The following JMJD1C variants were observed in gnomAD, a reference collection of about 807,000 sequenced individuals.
JMJD1C encodes the protein jumonji domain containing 1C.
Under a neutral mutation model 245.3 loss-of-function variants are expected in JMJD1C, and 31 were observed. That is an observed-to-expected ratio of 0.13 (90% CI 0.09 to 0.17). The LOEUF (loss-of-function observed/expected upper bound fraction) is 0.17, where lower values mean the gene tolerates loss of function less well. Among genes scored for constraint, JMJD1C ranks in the 10% least tolerant of loss-of-function variants. The pLI is 1.00. For synonymous variants in JMJD1C, 1,057 were observed against 1,017.4 expected, an observed-to-expected ratio of 1.04 and a Z score of -0.74; for missense variants, 2,691 against 3,000.2, an observed-to-expected ratio of 0.90 and a Z score of 2.41.
Position 63,214,514 on chromosome 10 carries a change from T to C in JMJD1C, c.1653A>G (p.Ala551=), listed in dbSNP as rs1847741275. The C allele has an allele frequency of 1.2e-6, 2 of 1,613,900 alleles. No individual in the cohort carries two copies. Among genetic ancestry groups the C allele is most frequent in the Non-Finnish European group, 1.7e-6 (2 of 1,180,000 alleles). The part of the protein sequence containing the change: ...VSDSKHSIAN[A]KFLETAKKDS... Reference sequence around the variant, plus strand: ...CTTTTTTTGCTGTTTCCAAGAATTTTGCATTTGCAATAGAGTGTTTTGAAT... The same window carrying C: ...CTTTTTTTGCTGTTTCCAAGAATTTCGCATTTGCAATAGAGTGTTTTGAAT... Residue 551 remains alanine (A), a synonymous_variant, in exon 8 of 26, where the codon GCA becomes GCG. Transcript: ENST00000399262.
intron 2 of JMJD1C, among the ~76,000 whole-genome samples, chr10:63,290,120 C>T (rs1858466614): frequency 6.6e-6 from 1 of 151,766 alleles, no homozygotes; most frequent in Admixed American, 6.6e-5. Flanking sequence ...CAAAATAACC[C>T]AAACTTTTAT....
intron 1 of JMJD1C, among the ~76,000 whole-genome samples, chr10:63,401,065 G>A (rs1250215997): frequency 1.3e-5 from 2 of 152,090 alleles, no homozygotes; most frequent in Non-Finnish European, 2.9e-5. Flanking sequence ...CGCCATGTTG[G>A]CCAGGCTGGT....
chr10:63,208,691 T>C lies in JMJD1C; in HGVS notation c.2978A>G (p.His993Arg). Residue 993 changes from histidine to arginine, a missense_variant, in exon 10 of 26, where the codon CAT becomes CGT. This residue lies in a region of JMJD1C where 1,562 missense variants were observed against 1,490.7 expected (regional missense o/e 1.05). Transcript: ENST00000399262. ...TAATACTGGATCCACAAAATGCCTA[T>C]GTAAGTGACAATCTTTTCCAGTCTG... is the stretch of plus-strand genomic sequence containing the variant. ...RSQTGKDCHL[H>R]RHFVDPVLNQ... The C allele has an allele frequency of 1.2e-6, 2 of 1,614,136 alleles. No individual in the cohort carries two copies. Among genetic ancestry groups the C allele is most frequent in the Non-Finnish European group, 1.7e-6 (2 of 1,179,972 alleles).
intron 2 of JMJD1C, among the ~76,000 whole-genome samples, chr10:63,351,823 G>A (rs1020438613): frequency 1.3e-5 from 2 of 152,214 alleles, no homozygotes; most frequent in Non-Finnish European, 2.9e-5. Flanking sequence ...CTTGAATGCC[G>A]TAACCACAAA....
At chr10:63,261,444 G>A (rs946693377) in intron 3 of JMJD1C, among the ~76,000 whole-genome samples, 2 of 152,094 alleles carry the variant, frequency 1.3e-5, no homozygotes, top group African/African-American at 4.8e-5. Flanking sequence ...AGCTGGGAGT[G>A]GTGGTGCACA....
chr10:63,338,991 T>C (rs370391703), intron 2 of JMJD1C, among the ~76,000 whole-genome samples: 81 of 152,312 alleles, frequency 5.3e-4, no homozygotes, highest in African/African-American at 1.9e-3. Context: ...TGAAAGATTA[T>C]TGTTTCACTT....
chr10:63,306,861 T>G (rs936417813), intron 2 of JMJD1C, among the ~76,000 whole-genome samples: 8 of 152,198 alleles, frequency 5.3e-5, no homozygotes, highest in African/African-American at 1.9e-4. Context: ...CAAAAATATT[T>G]ATAACATGTT....
intron 1 of JMJD1C, among the ~76,000 whole-genome samples, chr10:63,503,468 T>C (rs960932357): frequency 6.6e-6 from 1 of 152,094 alleles, no homozygotes; most frequent in African/African-American, 2.4e-5. Flanking sequence ...TGGGAGACAA[T>C]GGACTAAAAG....
chr10:63,321,804 T>A (rs1336683937), intron 2 of JMJD1C, among the ~76,000 whole-genome samples: 1 of 152,166 alleles, frequency 6.6e-6, no homozygotes, highest in Non-Finnish European at 1.5e-5. Context: ...CAATAGTTCC[T>A]TTCCTATTTT....
chr10:63,490,116 G>A (rs1378187482), intron 1 of JMJD1C, among the ~76,000 whole-genome samples: 1 of 152,162 alleles, frequency 6.6e-6, no homozygotes, highest in East Asian at 1.9e-4. Context: ...TGGAAACATT[G>A]TCTTCCATGA....
chr10:63,315,397 T>C (rs1939854512), intron 2 of JMJD1C, among the ~76,000 whole-genome samples: 1 of 152,190 alleles, frequency 6.6e-6, no homozygotes, highest in East Asian at 1.9e-4. Flanking sequence ...TGTTAATTTG[T>C]TTAGGGTAAC....
At position 63,465,544 on chromosome 10, in the gene JMJD1C, C is replaced by T; in HGVS notation, c.119G>A (p.Gly40Glu). The change falls in exon 1 of 26, where the codon GGG becomes GAG. Residue 40 changes from glycine (G) to glutamate (E), a missense_variant. Gly to Glu is a moderately conservative substitution (Grantham distance 98). Around this residue, in one of 9 missense-constraint regions of JMJD1C, gnomAD observed 135 missense variants for 115.5 expected, o/e 1.17. Transcript: ENST00000399262. ...SGRGWRSWRA[G>E]VIRAVSHRDS... ...CCTGTGTGACACGGCTCGGATGACCCCCGCTCGCCAGCTTCGCCAGCCGCG... is the reference window on the plus strand; with the variant it reads ...CCTGTGTGACACGGCTCGGATGACCTCCGCTCGCCAGCTTCGCCAGCCGCG... 6.2e-7 allele frequency: 1 copy of T among 1,602,990 alleles called. No homozygotes were observed. Among genetic ancestry groups the T allele is most frequent in the Non-Finnish European group, 8.5e-7 (1 of 1,178,204 alleles).
At chr10:63,465,115 T>A (rs1953109311) in intron 1 of JMJD1C, 1 of 257,818 alleles carries the variant, frequency 3.9e-6, no homozygotes, top group African/African-American at 2.2e-5. Context: ...GCTGGCCGCC[T>A]GTCGCCATGA....
At chr10:63,234,504 A>AT (rs1850436890) in intron 3 of JMJD1C, among the ~76,000 whole-genome samples, 1 of 146,280 alleles carries the variant, frequency 6.8e-6, no homozygotes, top group African/African-American at 2.6e-5. Context: ...AAAAAAAAAA[A>AT]AAAAAAAAAA....
chr10:63,390,566 A>C (rs1947974649), intron 1 of JMJD1C, among the ~76,000 whole-genome samples: 1 of 100,284 alleles, frequency 1.0e-5, no homozygotes, highest in South Asian at 3.7e-4. Flanking sequence ...AAACCAGACA[A>C]GAATGCTACA....
intron 2 of JMJD1C, among the ~76,000 whole-genome samples, chr10:63,354,616 A>T (rs1296405668): frequency 6.6e-6 from 1 of 151,734 alleles, no homozygotes; most frequent in Non-Finnish European, 1.5e-5. Flanking sequence ...TATTTTAATC[A>T]TCTTTTATAT....
At chr10:63,314,245 A>G (rs994052848) in intron 2 of JMJD1C, among the ~76,000 whole-genome samples, 3 of 152,218 alleles carry the variant, frequency 2.0e-5, no homozygotes, top group African/African-American at 7.2e-5. Context: ...TTTGTTAAAA[A>G]AAGTTCCTTT....
Position 63,214,326 on chromosome 10 carries a change from T to C in JMJD1C, c.1841A>G (p.His614Arg). 2.5e-6 allele frequency: 4 copies of C among 1,614,080 alleles called. 1 individual carries two copies. The South Asian group carries it at 3.3e-5, about 13-fold the overall frequency. Residue 614 changes from histidine (H) to arginine (R), a missense_variant, in exon 8 of 26, where the codon CAT becomes CGT. By Grantham distance (29) the His-to-Arg change is conservative (BLOSUM62 0). Coordinates refer to ENST00000399262, the MANE Select transcript of JMJD1C (RefSeq NM_032776.3). Reference sequence around the variant, plus strand: ...AGTCTCTGGAGGTGGACTTCGCTTATGCAGCTTATCTTCCATGACAGAAAC... The same window carrying C: ...AGTCTCTGGAGGTGGACTTCGCTTACGCAGCTTATCTTCCATGACAGAAAC... ...SAVSVMEDKLHKRSPPPETIK... is the reference protein window; with the variant it reads ...SAVSVMEDKLRKRSPPPETIK...
chr10:63,520,407 C>T (rs1442691075), intron 1 of JMJD1C, among the ~76,000 whole-genome samples: 8 of 151,486 alleles, frequency 5.3e-5, no homozygotes, highest in Non-Finnish European at 1.2e-4. Flanking sequence ...TTATTCTTCG[C>T]ACCATCTGAA....
Sources: allele counts gnomAD v4.1 joint callset (sites outside exome capture counted in the v4.1 genomes callset), GRCh38; gene constraint gnomAD v4.1.1; regional missense constraint gnomAD v4.1.1; transcripts MANE v1.5; gene names NCBI Gene and HGNC (gene_info 2026-07-23, HGNC 2026-07-21).